RBFOX1: variants seen among roughly 807,000 people sequenced by gnomAD.
RBFOX1 encodes the protein RNA binding protein fox-1 homolog 1.
RBFOX1 carries 8 observed loss-of-function variants against 57.7 expected under a neutral mutation model. The ratio of observed to expected loss-of-function variants is 0.14; its 90% confidence interval spans 0.08 to 0.25. The LOEUF (loss-of-function observed/expected upper bound fraction) is 0.25. Among genes scored for constraint, RBFOX1 ranks in the 10% least tolerant of loss-of-function variants. The pLI is 1.00. For missense variants in RBFOX1, 611 were observed against 548.5 expected (o/e 1.11, Z -1.14); for synonymous variants, 326 against 222.4 (o/e 1.47, Z -4.15).
Position 5,646,696 on chromosome 16 carries a change from G to A in RBFOX1, c.318+47735G>A, listed in dbSNP as rs184914778. On this transcript the variant is annotated intron_variant, in intron 3 of 19. Transcript: ENST00000641259. ...GTCACCCAGGCTGGAGTGCTTTGGC[G>A]TGATCTCTGCTCACTGCAACCTCTG... 8.5e-5 allele frequency among the ~76,000 whole-genome samples: 13 copies of A among 152,082 alleles called. 1 individual carries two copies. Among genetic ancestry groups the A allele is most frequent in the African/African-American group, 1.2e-4 (5 of 41,480 alleles).
At chr16:7,483,386 G>C (rs1312715973) in intron 4 of RBFOX1, among the ~76,000 whole-genome samples, 1 of 152,154 alleles carries the variant, frequency 6.6e-6, no homozygotes. Context: ...ATCTCTTCTA[G>C]ATTCATTTCC....
At chr16:5,738,635 G>GAAGAAAAA (rs562651270) in intron 3 of RBFOX1, among the ~76,000 whole-genome samples, 1 of 61,192 alleles carries the variant, frequency 1.6e-5, no homozygotes, top group African/African-American at 6.9e-5. Context: ...CTCTGTCTCA[G>GAAGAAAAA]AAAAAAAAAA....
rs1184170320 is a variant in RBFOX1, at chr16:6,204,290, T to C, written c.-126-112705T>C. ...GGGAATACAAAATTTGGACATGGAT[T>C]GGTAATTTCATGAGTCAATGTTGCG... On this transcript the variant is annotated intron_variant, in intron 1 of 15. Coordinates refer to ENST00000550418, the MANE Select transcript of RBFOX1 (RefSeq NM_018723.4). Among the ~76,000 whole-genome samples the C allele has an allele frequency of 2.6e-5, 4 of 152,252 alleles. No individual in the cohort carries two copies. The East Asian group carries it at 7.7e-4, about 29-fold the overall frequency.
At chr16:5,359,494 A>G (rs2065482868) in intron 1 of RBFOX1, among the ~76,000 whole-genome samples, 1 of 152,170 alleles carries the variant, frequency 6.6e-6, no homozygotes, top group African/African-American at 2.4e-5. Flanking sequence ...TGTCTTTTGG[A>G]TAAAAGTGAT....
At chr16:6,676,967 T>A (rs1254690330) in intron 3 of RBFOX1, among the ~76,000 whole-genome samples, 1 of 152,100 alleles carries the variant, frequency 6.6e-6, no homozygotes, top group Non-Finnish European at 1.5e-5. Flanking sequence ...TGAGCCACCA[T>A]GCCCAGCCGT....
intron 3 of RBFOX1, among the ~76,000 whole-genome samples, chr16:5,759,126 C>T (rs1424773694): frequency 1.3e-5 from 2 of 152,106 alleles, no homozygotes; most frequent in African/African-American, 4.8e-5. Flanking sequence ...CTTCACTTTC[C>T]TTTTGATGTT....
At chr16:6,146,861 A>C (rs933945675) in intron 1 of RBFOX1, among the ~76,000 whole-genome samples, 8 of 152,214 alleles carry the variant, frequency 5.3e-5, no homozygotes, top group Admixed American at 5.2e-4. Context: ...AAACATGGGC[A>C]GTAAAACTGT....
intron 3 of RBFOX1, among the ~76,000 whole-genome samples, chr16:6,993,787 G>A (rs1172435664): frequency 2.0e-5 from 3 of 152,154 alleles, no homozygotes; most frequent in African/African-American, 2.4e-5. Flanking sequence ...CCATCCTGGA[G>A]CATGGAAACT....
chr16:5,759,996 C>A (rs1161058855), intron 3 of RBFOX1, among the ~76,000 whole-genome samples: 1 of 145,946 alleles, frequency 6.9e-6, no homozygotes, highest in African/African-American at 2.5e-5. Context: ...CTATAAATAT[C>A]CCCACTGGGT....
In RBFOX1 at chr16:6,998,011, A is replaced by T. The variant is rs189807874; in HGVS notation, c.-15-54046A>T. ...GCAAAGTAAAAAAAAACTAAAATTG[A>T]AGGTAAATGCCGTTCTTTTGTTAAA... On this transcript the variant is annotated intron_variant, in intron 3 of 15. Coordinates refer to ENST00000550418, the MANE Select transcript of RBFOX1 (RefSeq NM_018723.4). 3.2e-3 allele frequency among the ~76,000 whole-genome samples: 483 copies of T among 152,206 alleles called. 7 individuals carry two copies. The highest frequency in any genetic ancestry group is 0.011 in the African/African-American group (465 of 41,550).
At chr16:7,202,153 A>C (rs182568953) in intron 4 of RBFOX1, among the ~76,000 whole-genome samples, 2 of 152,310 alleles carry the variant, frequency 1.3e-5, no homozygotes, top group East Asian at 3.9e-4. Context: ...TGGTTAAAGG[A>C]CTTGAATAGA....
chr16:6,724,890 A>G (rs2066825000), intron 3 of RBFOX1, among the ~76,000 whole-genome samples: 1 of 152,050 alleles, frequency 6.6e-6, no homozygotes, highest in African/African-American at 2.4e-5. Flanking sequence ...CCAAAGCCAT[A>G]TAGGGTAACT....
Position 6,807,872 on chromosome 16 carries a change from T to C in RBFOX1, c.-16+153222T>C, listed in dbSNP as rs568120788. Among the ~76,000 whole-genome samples, 21 of 146,568 alleles carry C rather than the reference T, an allele frequency of 1.4e-4. No homozygotes were observed. In the South Asian group the frequency reaches 3.5e-3, roughly 24 times the overall value. ...TTGAATATGTATGTTAGTATATATA[T>C]CTAGTTCTGTTGAATATATATTATT... is the stretch of plus-strand genomic sequence containing the variant. On this transcript the variant is annotated intron_variant, in intron 3 of 15. Transcript: ENST00000550418.
chr16:5,669,725 G>T (rs922361559), intron 3 of RBFOX1, among the ~76,000 whole-genome samples: 3 of 152,178 alleles, frequency 2.0e-5, no homozygotes, highest in Non-Finnish European at 4.4e-5. Context: ...GCCCAAGATG[G>T]CTTTTTGAGA....
intron 4 of RBFOX1, among the ~76,000 whole-genome samples, chr16:7,139,964 T>G (rs576912794): frequency 1.3e-5 from 2 of 152,072 alleles, no homozygotes; most frequent in African/African-American, 4.8e-5. Flanking sequence ...TGAGTTTTAG[T>G]TGCTGACTTG....
At chr16:7,051,539 A>G (rs996595153) in intron 3 of RBFOX1, among the ~76,000 whole-genome samples, 2 of 152,212 alleles carry the variant, frequency 1.3e-5, no homozygotes, top group African/African-American at 4.8e-5. Flanking sequence ...CCCCAGCACA[A>G]TCCTATGGGG....
intron 2 of RBFOX1, among the ~76,000 whole-genome samples, chr16:5,518,652 G>A (rs2043890072): frequency 6.6e-6 from 1 of 152,174 alleles, no homozygotes; most frequent in African/African-American, 2.4e-5. Flanking sequence ...TCATATTAGT[G>A]GGTTCTGGTT....
chr16:5,819,245 C>T (rs1461834562), intron 3 of RBFOX1, among the ~76,000 whole-genome samples: 1 of 152,186 alleles, frequency 6.6e-6, no homozygotes, highest in Non-Finnish European at 1.5e-5. Flanking sequence ...ATGTGACATC[C>T]TATGACAAAG....
chr16:5,346,570 T>G (rs2065144587), intron 1 of RBFOX1, among the ~76,000 whole-genome samples: 1 of 152,238 alleles, frequency 6.6e-6, no homozygotes, highest in Non-Finnish European at 1.5e-5. Flanking sequence ...GGCTCCCAGT[T>G]GGCTCTTGGA....
Sources: allele counts gnomAD v4.1 joint callset (sites outside exome capture counted in the v4.1 genomes callset), GRCh38; gene constraint gnomAD v4.1.1; transcripts MANE v1.5; gene names NCBI Gene and HGNC (gene_info 2026-07-23, HGNC 2026-07-21).